DPP10: variants seen among roughly 807,000 people sequenced by gnomAD.
The protein encoded by DPP10 is dipeptidyl peptidase like 10.
Under a neutral mutation model 120.9 loss-of-function variants are expected in DPP10, and 33 were observed. The ratio of observed to expected loss-of-function variants is 0.27; its 90% CI spans 0.21 to 0.37. The LOEUF is 0.37. Among genes scored for constraint, DPP10 ranks in the 10% least tolerant of loss-of-function variants. The pLI is 1.00. For synonymous variants in DPP10, 337 were observed against 326.1 expected (o/e 1.03, Z -0.36); for missense variants, 816 against 942.8 (o/e 0.87, Z 1.76).
At chr2:115,209,936 C>G (rs2056395340) in intron 1 of DPP10, among the ~76,000 whole-genome samples, 1 of 152,120 alleles carries the variant, frequency 6.6e-6, no homozygotes, top group Non-Finnish European at 1.5e-5. Flanking sequence ...CCTGTAATAC[C>G]AAGCACTTTG....
chr2:114,677,161 C>T (rs1007345529), intron 1 of DPP10, among the ~76,000 whole-genome samples: 5 of 152,124 alleles, frequency 3.3e-5, no homozygotes, highest in East Asian at 1.9e-4. Flanking sequence ...TGTTTATTTC[C>T]GATAATGATG....
chr2:115,640,743 T>C (rs1241394254), intron 5 of DPP10, among the ~76,000 whole-genome samples: 1 of 152,170 alleles, frequency 6.6e-6, no homozygotes, highest in Admixed American at 6.5e-5. Flanking sequence ...TACGAGATTA[T>C]TGAATACCTT....
At chr2:114,456,446 A>G (rs937651144) in intron 1 of DPP10, among the ~76,000 whole-genome samples, 4 of 152,230 alleles carry the variant, frequency 2.6e-5, no homozygotes, top group African/African-American at 9.6e-5. Flanking sequence ...GATCAGGGTA[A>G]GAATATTAAC....
intron 5 of DPP10, among the ~76,000 whole-genome samples, chr2:115,648,136 CA>C (rs902503172): frequency 1.2e-4 from 17 of 146,162 alleles, no homozygotes; most frequent in Non-Finnish European, 1.4e-4. Flanking sequence ...TCCACCAGAG[CA>C]AAAAAAAAAT....
In DPP10 at chr2:114,928,952, T is replaced by C. The variant is rs1695848818; in HGVS notation, c.61-380287T>C. Among the ~76,000 whole-genome samples, 5 of 152,124 alleles carry C rather than the reference T, an allele frequency of 3.3e-5. No homozygotes were observed. The South Asian group carries it at 1.0e-3, about 31-fold the overall frequency. Reference sequence around the variant, plus strand: ...CTATCGGGGGAACCAGCCCCCAATATTTCAACGTAGGTTCTTTTCTATTTT... The same window carrying C: ...CTATCGGGGGAACCAGCCCCCAATACTTCAACGTAGGTTCTTTTCTATTTT... On this transcript the variant is annotated intron_variant, in intron 1 of 25. Transcript: ENST00000410059.
chr2:115,173,325 C>T (rs1370947602), intron 1 of DPP10, among the ~76,000 whole-genome samples: 6 of 152,100 alleles, frequency 3.9e-5, no homozygotes, highest in African/African-American at 1.4e-4. Context: ...TTATTGGTCA[C>T]ACAAGGCAAT....
chr2:115,659,783 G>A (rs918209523), intron 5 of DPP10, among the ~76,000 whole-genome samples: 2 of 152,112 alleles, frequency 1.3e-5, no homozygotes, highest in African/African-American at 2.4e-5. Context: ...AGGAAAAAAT[G>A]ATCAGTTTTC....
intron 5 of DPP10, among the ~76,000 whole-genome samples, chr2:115,677,157 C>G (rs2090329083): frequency 6.6e-6 from 1 of 152,118 alleles, no homozygotes; most frequent in South Asian, 2.1e-4. Context: ...GGGAATTCAT[C>G]ACCACTAGAC....
At chr2:115,049,022 T>C (rs1705273088) in intron 1 of DPP10, among the ~76,000 whole-genome samples, 1 of 152,130 alleles carries the variant, frequency 6.6e-6, no homozygotes, top group African/African-American at 2.4e-5. Context: ...TAAAAATATG[T>C]TTTTAAAATA....
At chr2:114,640,432 T>C (rs1558957434) in intron 1 of DPP10, among the ~76,000 whole-genome samples, 1 of 151,934 alleles carries the variant, frequency 6.6e-6, no homozygotes, top group East Asian at 1.9e-4. Context: ...AATATCTACT[T>C]GTATAGGACA....
At chr2:114,567,031 G>A (rs151143003) in intron 1 of DPP10, among the ~76,000 whole-genome samples, 1 of 152,126 alleles carries the variant, frequency 6.6e-6, no homozygotes, top group South Asian at 2.1e-4. Context: ...CACAACCCTT[G>A]CCTCTGACTA....
intron 5 of DPP10, among the ~76,000 whole-genome samples, chr2:115,633,913 C>T (rs1418114580): frequency 6.6e-6 from 1 of 152,152 alleles, no homozygotes; most frequent in Admixed American, 6.5e-5. Flanking sequence ...TCTCTTTCAG[C>T]TACCCCTATC....
chr2:115,493,541 A>G (rs1168523636), intron 3 of DPP10, among the ~76,000 whole-genome samples: 1 of 150,244 alleles, frequency 6.7e-6, no homozygotes, highest in African/African-American at 2.4e-5. Flanking sequence ...CCTACAGCTG[A>G]GTTTGGAAGG....
rs578036345 is a variant in DPP10 at position 114,650,121 on chromosome 2, C to G, written c.60+207283C>G. ...TTTGGGCCATAGGGAACCAGTCAGT[C>G]TCTGTATTCCAGTTTGTGAAGTACG... On this transcript the variant is annotated intron_variant, in intron 1 of 25. Transcript: ENST00000410059. Among the ~76,000 whole-genome samples, 34 of 152,258 alleles carry G rather than the reference C, an allele frequency of 2.2e-4. No individual in the cohort carries two copies. In the South Asian group the frequency reaches 7.0e-3, roughly 32 times the overall value.
chr2:114,995,899 C>A (rs1297781045), intron 1 of DPP10, among the ~76,000 whole-genome samples: 1 of 152,138 alleles, frequency 6.6e-6, no homozygotes, highest in African/African-American at 2.4e-5. Flanking sequence ...CATAAATTTG[C>A]AAGATCGGCA....
At chr2:114,649,593 C>T (rs1036906447) in intron 1 of DPP10, among the ~76,000 whole-genome samples, 13 of 151,976 alleles carry the variant, frequency 8.6e-5, no homozygotes, top group African/African-American at 1.5e-4. Context: ...ACCTCATGAT[C>T]GGCCCGCCTC....
At chr2:115,823,420 A>G (rs1657430474) in intron 21 of DPP10, among the ~76,000 whole-genome samples, 1 of 152,044 alleles carries the variant, frequency 6.6e-6, no homozygotes. Flanking sequence ...ATTTTTTGTC[A>G]CATTTAGACA....
chr2:114,693,987 T>C (rs1699921330), intron 1 of DPP10, among the ~76,000 whole-genome samples: 1 of 151,974 alleles, frequency 6.6e-6, no homozygotes, highest in Non-Finnish European at 1.5e-5. Context: ...GGAAAGCATA[T>C]TCTAAAATAA....
chr2:114,667,767 G>C (rs1376523996), intron 1 of DPP10, among the ~76,000 whole-genome samples: 1 of 152,186 alleles, frequency 6.6e-6, no homozygotes, highest in Non-Finnish European at 1.5e-5. Context: ...GAACTAAATT[G>C]TGTGAGTGCT....
Sources: gnomAD v4.1 joint callset for allele counts (sites outside exome capture counted in the v4.1 genomes callset) on GRCh38, gnomAD v4.1.1 for gene constraint, MANE v1.5 for transcripts, NCBI Gene and HGNC (gene_info 2026-07-23, HGNC 2026-07-21) for gene names.